Variants in UBA5 observed in about 807,000 individuals in gnomAD.
The protein encoded by UBA5 is ubiquitin like modifier activating enzyme 5.
In UBA5, 28 loss-of-function variants were observed where a neutral mutation model predicts 52.9. That is an observed-to-expected ratio of 0.53 (90% CI 0.39 to 0.73). UBA5 has a LOEUF of 0.73. Ranked by LOEUF, UBA5 falls within the 30% of genes least tolerant of loss-of-function variation. UBA5 has a pLI of 0.00. For synonymous variants in UBA5, 135 were observed against 162.1 expected (o/e 0.83, Z 1.27); for missense variants, 388 against 492.7 (o/e 0.79, Z 2.01).
chr3:132,659,240 C>A (rs979736201), upstream of UBA5, among the ~76,000 whole-genome samples: 1 of 152,234 alleles, frequency 6.6e-6, no homozygotes, highest in Non-Finnish European at 1.5e-5. Flanking sequence ...AACGGAATTA[C>A]ACCAGCTTCT....
Position 132,660,543 on chromosome 3 carries a change from G to A in UBA5, c.6G>A (p.Ala2=), listed in dbSNP as rs1244559191. The A allele has an allele frequency of 1.9e-6, 3 of 1,548,832 alleles. No individual in the cohort carries two copies. Among genetic ancestry groups the A allele is most frequent in the African/African-American group, 2.7e-5 (2 of 73,002 alleles). The change falls in exon 1 of 12, where the codon GCG becomes GCA. Residue 2 remains alanine, a synonymous_variant. Transcript: ENST00000356232. The surrounding 1 kb of genome is among the most constrained non-coding windows in gnomAD (Gnocchi z 4.1). M[A]ESVERLQQRV... The stretch of plus-strand genomic sequence containing the variant: ...TGGCGGCCGGAGTCCCAGCCATGGC[G>A]GAGTCTGTGGAGCGCCTGCAGCAGC...
chr3:132,659,359 A>G, upstream of UBA5: 2 of 516,168 alleles, frequency 3.9e-6, no homozygotes, highest in South Asian at 5.3e-5. Flanking sequence ...ATCCTTTAAC[A>G]AAGATTCCTT....
At chr3:132,675,061 G>T (rs1938772220) in intron 8 of UBA5, among the ~76,000 whole-genome samples, 187 bp from the exon 9 acceptor site, 1 of 152,004 alleles carries the variant, frequency 6.6e-6, no homozygotes, top group African/African-American at 2.4e-5. Context: ...AATAAACACT[G>T]AAGTATCTAC....
rs1027050753 is a variant in UBA5, at chr3:132,678,815, A to G, written c.*2289A>G. On this transcript the variant is annotated 3_prime_UTR_variant, in exon 12 of 12. Transcript: ENST00000356232. Reference sequence around the variant, plus strand: ...CAGGTGCCCGCCACCACGCATGGCTAATTTTTGTATTTTTAGTAGAGGCGA... The same window carrying G: ...CAGGTGCCCGCCACCACGCATGGCTGATTTTTGTATTTTTAGTAGAGGCGA... Among the ~76,000 whole-genome samples, 1 of 151,610 alleles carries G rather than the reference A, an allele frequency of 6.6e-6. No homozygotes were observed. Among genetic ancestry groups the G allele is most frequent in the Non-Finnish European group, 1.5e-5 (1 of 67,916 alleles).
At chr3:132,669,076 G>A (rs2107937599) in intron 4 of UBA5, 149 bp downstream of exon 4, 5 of 540,404 alleles carry the variant, frequency 9.3e-6, no homozygotes, top group Non-Finnish European at 1.2e-5. Context: ...ACATGGGTTG[G>A]CAAACTTTTT....
chr3:132,661,576 G>T (rs1938165909), intron 1 of UBA5, among the ~76,000 whole-genome samples: 1 of 152,124 alleles, frequency 6.6e-6, no homozygotes, highest in African/African-American at 2.4e-5. Context: ...CTATGAGATT[G>T]CTACTATTTT....
chr3:132,675,136 G>A (rs1268873859), intron 8 of UBA5, 112 bp from the exon 9 acceptor site: 19 of 799,720 alleles, frequency 2.4e-5, no homozygotes, highest in Non-Finnish European at 3.4e-5. Flanking sequence ...CTGTTTTCTG[G>A]TTAAAAAAAA....
chr3:132,659,372 G>T (rs1559984351), upstream of UBA5: 6 of 548,902 alleles, frequency 1.1e-5, no homozygotes, highest in Non-Finnish European at 1.9e-5. Context: ...GATTCCTTTG[G>T]ATAGTAGAAT....
In UBA5 at chr3:132,660,669, C is replaced by A. The variant is rs758836261; in HGVS notation, c.132C>A (p.Ser44Arg). 1.3e-6 allele frequency: 2 copies of A among 1,575,302 alleles called. No individual in the cohort carries two copies. Among genetic ancestry groups the A allele is most frequent in the East Asian group, 2.3e-5 (1 of 42,620 alleles). Residue 44 changes from serine to arginine, a missense_variant, in exon 1 of 12, where the codon AGC becomes AGA. Around this residue, in one of 3 missense-constraint regions of UBA5, gnomAD observed 95 missense variants for 107.0 expected, o/e 0.89. Coordinates refer to ENST00000356232, the MANE Select transcript of UBA5 (RefSeq NM_024818.6). The surrounding 1 kb of genome is among the most constrained non-coding windows in gnomAD (Gnocchi z 4.1). ...GGGRVRIEKM[S>R]SEVVDSNPYS... ...GCCGGGTCCGCATCGAGAAGATGAG[C>A]TCAGAGGTGGTGGATTCGAATCCCT...
intron 3 of UBA5, chr3:132,668,338 ATTTT>A (rs1398232654): frequency 6.5e-6 from 1 of 153,192 alleles, no homozygotes; most frequent in African/African-American, 2.4e-5. Flanking sequence ...GTTATACTAT[ATTTT>A]AAGTTACAGC....
intron 8 of UBA5, among the ~76,000 whole-genome samples, chr3:132,672,957 A>G (rs971621909): frequency 3.9e-5 from 6 of 152,212 alleles, no homozygotes; most frequent in African/African-American, 1.2e-4. Context: ...CAACTTTAAT[A>G]AGCTTAGTTG....
At chr3:132,662,334 C>G (rs1938204383) in intron 1 of UBA5, among the ~76,000 whole-genome samples, 1 of 152,148 alleles carries the variant, frequency 6.6e-6, no homozygotes, top group Non-Finnish European at 1.5e-5. Flanking sequence ...GTCTCCAGTC[C>G]TCCTTGACAA....
At chr3:132,659,715 C>T, upstream of UBA5, 6 of 1,608,920 alleles carry the variant, frequency 3.7e-6, no homozygotes, top group South Asian at 1.1e-5. Flanking sequence ...GGCAGCACTT[C>T]GGCCAAATCG....
chr3:132,661,839 T>G (rs1404438822), intron 1 of UBA5, among the ~76,000 whole-genome samples: 2 of 152,218 alleles, frequency 1.3e-5, no homozygotes, highest in Non-Finnish European at 2.9e-5. Context: ...AGGTTTTAGT[T>G]TGTGATATAT....
chr3:132,670,221 T>C lies in UBA5; in HGVS notation c.431T>C (p.Phe144Ser). ...TLRNINPDVL[F>S]EVHNYNITTV... ...AGGAACATTAATCCTGATGTTCTTT[T>C]TGAAGTACACAACTATAATATAACC... Residue 144 changes from phenylalanine to serine, a missense_variant, in exon 5 of 12, where the codon TTT becomes TCT. This residue lies in a region of UBA5 where 277 missense variants were observed against 326.4 expected (regional missense o/e 0.85). Coordinates refer to ENST00000356232, the MANE Select transcript of UBA5 (RefSeq NM_024818.6). The C allele has an allele frequency of 1.3e-6, 2 of 1,505,054 alleles. No individual in the cohort carries two copies. Among genetic ancestry groups the C allele is most frequent in the South Asian group, 1.2e-5 (1 of 86,246 alleles). 93.2% of individuals were successfully genotyped at this position (1,505,054 alleles called of 1,614,324 possible).
intron 1 of UBA5, among the ~76,000 whole-genome samples, chr3:132,664,224 T>A (rs920239417): frequency 2.0e-5 from 3 of 152,162 alleles, no homozygotes; most frequent in Admixed American, 2.0e-4. Context: ...AGGCACACTG[T>A]GAAATTTTAC....
At position 132,672,072 on chromosome 3, in the gene UBA5, C is replaced by A. The variant is rs2107943552; in HGVS notation, c.707C>A (p.Ala236Asp). The A allele has an allele frequency of 1.2e-6, 2 of 1,613,784 alleles. No homozygotes were observed. Among genetic ancestry groups the A allele is most frequent in the Non-Finnish European group, 1.7e-6 (2 of 1,179,904 alleles). The change falls in exon 8 of 12, where the codon GCT becomes GAT. Residue 236 changes from alanine to aspartate, a missense_variant. This residue lies in a region of UBA5 where 277 missense variants were observed against 326.4 expected (regional missense o/e 0.85). Transcript: ENST00000356232. ...TAGTGTGCTCCACCACTTGTAGTTG[C>A]TGCAAATATTGATGAAAAGACTCTG... ...CFACAPPLVV[A>D]ANIDEKTLKR...
intron 8 of UBA5, among the ~76,000 whole-genome samples, chr3:132,672,397 T>C (rs184463725): frequency 6.6e-6 from 1 of 152,298 alleles, no homozygotes; most frequent in East Asian, 1.9e-4. Context: ...AAATATTACA[T>C]ATAATACATG....
At chr3:132,668,031 T>A (rs754428068) in intron 3 of UBA5, 3 of 152,140 alleles carry the variant, frequency 2.0e-5, no homozygotes, top group Non-Finnish European at 4.4e-5. Context: ...ATCCCATTTT[T>A]GTTTTTATTG....
Sources: allele counts gnomAD v4.1 joint callset (sites outside exome capture counted in the v4.1 genomes callset), GRCh38; gene constraint gnomAD v4.1.1; regional missense constraint gnomAD v4.1.1; non-coding constraint Gnocchi (gnomAD v3.1); transcripts MANE v1.5; gene names NCBI Gene and HGNC (gene_info 2026-07-23, HGNC 2026-07-21).